The following SLC7A2 variants were observed in gnomAD, a reference collection of about 807,000 sequenced individuals.
The protein encoded by SLC7A2 is cationic amino acid transporter 2.
SLC7A2 carries 48 observed loss-of-function variants against 58.9 expected under a neutral mutation model. The ratio of observed to expected loss-of-function variants is 0.82; its 90% CI spans 0.65 to 1.04. The LOEUF (loss-of-function observed/expected upper bound fraction) is 1.04, where lower values mean the gene tolerates loss of function less well. SLC7A2 is among the 50% of genes least tolerant of loss of function. SLC7A2 has a pLI of 0.00. For missense variants in SLC7A2, 1,029 were observed against 818.8 expected, an observed-to-expected ratio of 1.26 and a Z score of -3.13; for synonymous variants, 363 against 314.5, an observed-to-expected ratio of 1.15 and a Z score of -1.63.
chr8:17,501,616 T>C (rs546778661), intron 1 of SLC7A2, among the ~76,000 whole-genome samples: 2 of 152,258 alleles, frequency 1.3e-5, no homozygotes, highest in Admixed American at 1.3e-4. Context: ...TACGGGACTT[T>C]ATACACCCAA....
In SLC7A2 at chr8:17,543,298, ACCT is replaced by A; in HGVS notation, c.-22-14_-22-12del. 6.4e-7 allele frequency: 1 copy of A among 1,570,794 alleles called. No individual in the cohort carries two copies. Among genetic ancestry groups the A allele is most frequent in the South Asian group, 1.2e-5 (1 of 83,412 alleles). ...GATGACAATTCCAGATCAGCTTCTA[ACCT>A]CCTCCCTTCTGCTCAGGTCGCCTTC... On this transcript the variant is annotated splice_polypyrimidine_tract_variant and intron_variant, in intron 2 of 12. Transcript: ENST00000494857.
chr8:17,496,898 G>T (rs1299801895), upstream of SLC7A2, among the ~76,000 whole-genome samples: 2 of 151,778 alleles, frequency 1.3e-5, no homozygotes, highest in Non-Finnish European at 2.9e-5. Flanking sequence ...ACGTGTGCTC[G>T]GCTCCAGGCA....
At chr8:17,557,341 T>A (rs553450738) in intron 8 of SLC7A2, among the ~76,000 whole-genome samples, 35 of 152,302 alleles carry the variant, frequency 2.3e-4, no homozygotes, top group South Asian at 1.0e-3. Context: ...TAGTGGAAGT[T>A]AAGCTATTTA....
At chr8:17,501,130 C>T (rs1800143557) in intron 1 of SLC7A2, among the ~76,000 whole-genome samples, 1 of 152,004 alleles carries the variant, frequency 6.6e-6, no homozygotes, top group South Asian at 2.1e-4. Flanking sequence ...TCTCATGCCT[C>T]AGCCTCCCGA....
At chr8:17,564,635 C>T (rs1304288209) in intron 12 of SLC7A2, among the ~76,000 whole-genome samples, 1 of 152,152 alleles carries the variant, frequency 6.6e-6, no homozygotes, top group Non-Finnish European at 1.5e-5. Flanking sequence ...AGATCCCTCA[C>T]GTGTGCAGTC....
chr8:17,537,677 A>G (rs1324457656), intron 2 of SLC7A2, among the ~76,000 whole-genome samples: 1 of 152,152 alleles, frequency 6.6e-6, no homozygotes, highest in East Asian at 1.9e-4. Context: ...ATAAGGTGAC[A>G]GGTCCTAGCA....
At chr8:17,535,456 C>G (rs944647394) in intron 2 of SLC7A2, among the ~76,000 whole-genome samples, 2 of 152,168 alleles carry the variant, frequency 1.3e-5, no homozygotes, top group African/African-American at 4.8e-5. Flanking sequence ...GTATAGCTGT[C>G]TCATATTGCA....
chr8:17,548,605 G>A, intron 4 of SLC7A2, 73 bp from the exon 5 acceptor site: 1 of 1,049,096 alleles, frequency 9.5e-7, no homozygotes, highest in Non-Finnish European at 1.4e-6. Flanking sequence ...ATATCCTAAA[G>A]TCATGTATTT....
chr8:17,495,506 T>C (rs1799935323), upstream of SLC7A2, among the ~76,000 whole-genome samples: 1 of 152,212 alleles, frequency 6.6e-6, no homozygotes, highest in South Asian at 2.1e-4. Flanking sequence ...TATCAGATAA[T>C]ATCTTCGTAA....
In SLC7A2 at chr8:17,565,310, AT is replaced by A; in HGVS notation, c.*166del. On this transcript the variant is annotated 3_prime_UTR_variant, in exon 13 of 13. Transcript: ENST00000494857. The stretch of plus-strand genomic sequence containing the variant: ...TGGACAGCATCTCCTCAGATGGTGA[AT>A]TATGTGCACGGGGAAACCTCCTGAG... 3.3e-6 allele frequency: 2 copies of A among 602,562 alleles called. No homozygotes were observed. Among genetic ancestry groups the A allele is most frequent in the Admixed American group, 6.7e-5 (2 of 29,914 alleles). 37.3% of individuals were successfully genotyped at this position (602,562 alleles called of 1,614,324 possible). A position where few individuals can be genotyped will look rare whatever the true frequency, so the allele number is the denominator to read the frequency against.
At chr8:17,530,546 A>T (rs896107020) in intron 2 of SLC7A2, among the ~76,000 whole-genome samples, 1 of 151,224 alleles carries the variant, frequency 6.6e-6, no homozygotes, top group African/African-American at 2.4e-5. Context: ...GGCAGAAGGC[A>T]GATTAGGTAC....
At chr8:17,511,687 G>T (rs984032086) in intron 2 of SLC7A2, among the ~76,000 whole-genome samples, 2 of 152,118 alleles carry the variant, frequency 1.3e-5, no homozygotes, top group Non-Finnish European at 2.9e-5. Context: ...AATAACTGAA[G>T]GTGACGTTTT....
At chr8:17,532,374 C>A (rs1056392059) in intron 2 of SLC7A2, among the ~76,000 whole-genome samples, 10 of 151,788 alleles carry the variant, frequency 6.6e-5, no homozygotes, top group Non-Finnish European at 1.3e-4. Context: ...ATGGAGTCCC[C>A]TCCTGTGTGT....
intron 8 of SLC7A2, chr8:17,554,947 C>G: frequency 1.9e-6 from 3 of 1,613,816 alleles, no homozygotes. Context: ...CTGTTCTAGT[C>G]TTCTGGGCTC....
rs770644339 is a variant in SLC7A2 at position 17,560,479 on chromosome 8, C to G, written c.1450C>G (p.Leu484Val). 12 of 1,613,884 alleles carry G rather than the reference C, an allele frequency of 7.4e-6. No homozygotes were observed. The highest frequency in any genetic ancestry group is 1.3e-5 in the African/African-American group (1 of 74,906). ...FSMRTLFCPS[L>V]LPTQQSASLV... The stretch of plus-strand genomic sequence containing the variant: ...CATGCGGACCCTCTTCTGCCCCTCC[C>G]TTCTGCCAACACAGCAGTCAGCTTC... The change falls in exon 10 of 13, where the codon CTT becomes GTT. Residue 484 changes from leucine (L) to valine (V), a missense_variant. Physicochemically the swap from Leu to Val is conservative, Grantham distance 32. Coordinates refer to ENST00000494857, the MANE Select transcript of SLC7A2 (RefSeq NM_001370338.1).
At chr8:17,528,269 A>G (rs977109345) in intron 2 of SLC7A2, among the ~76,000 whole-genome samples, 1 of 152,224 alleles carries the variant, frequency 6.6e-6, no homozygotes, top group Non-Finnish European at 1.5e-5. Context: ...ATGGAGGACT[A>G]TTATAAGCTA....
intron 9 of SLC7A2, 130 bp from the exon 10 acceptor site, chr8:17,560,198 A>G: frequency 1.5e-6 from 1 of 671,384 alleles, no homozygotes; most frequent in Middle Eastern, 3.4e-4. Context: ...CTGGGACTGG[A>G]GTCATAAGTG....
At chr8:17,557,838 A>G (rs193234572) in intron 8 of SLC7A2, among the ~76,000 whole-genome samples, 4 of 113,674 alleles carry the variant, frequency 3.5e-5, no homozygotes, top group African/African-American at 1.8e-4. Context: ...AAAAAGAAAA[A>G]AAGAATTGAG....
rs752542628 is a variant in SLC7A2, at chr8:17,562,129, A to G, written c.1671+19A>G. ...CTTCATGGTATGTGTAATGAGGATT[A>G]GAGACCCAAAATACTGTATTCATTT... is the stretch of plus-strand genomic sequence containing the variant. On this transcript the variant is annotated intron_variant, in intron 11 of 12. Coordinates refer to ENST00000494857, the MANE Select transcript of SLC7A2 (RefSeq NM_001370338.1). 2 of 1,573,586 alleles carry G rather than the reference A, an allele frequency of 1.3e-6. No homozygotes were observed. The highest frequency in any genetic ancestry group is 2.4e-5 in the East Asian group (1 of 41,678).
Sources: gnomAD v4.1 joint callset for allele counts (sites outside exome capture counted in the v4.1 genomes callset) on GRCh38, gnomAD v4.1.1 for gene constraint, MANE v1.5 for transcripts, NCBI Gene and HGNC (gene_info 2026-07-23, HGNC 2026-07-21) for gene names.